Variants in RBM43 observed in about 807,000 individuals in gnomAD.
The protein encoded by RBM43 is RNA binding motif protein 43, also known as RNA-binding protein 43.
RBM43 carries 12 observed loss-of-function variants against 12.4 expected under a neutral mutation model. The ratio of observed to expected loss-of-function variants is 0.97; its 90% CI spans 0.62 to 1.57. The LOEUF (loss-of-function observed/expected upper bound fraction) is 1.57. Ranked by LOEUF, RBM43 falls within the 40% of genes most tolerant of loss-of-function variation. The probability of loss-of-function intolerance (pLI) is 0.00; values close to 1 mark genes in which losing one functional copy is unlikely to be tolerated. For missense variants in RBM43, 348 were observed against 400.1 expected (o/e 0.87, Z 1.11); for synonymous variants, 138 against 145.7 (o/e 0.95, Z 0.38).
intron 2 of RBM43, among the ~76,000 whole-genome samples, chr2:151,253,795 C>T (rs1006217299): frequency 8.5e-5 from 13 of 152,064 alleles, no homozygotes; most frequent in African/African-American, 2.9e-4. Context: ...TCTCCTATCA[C>T]TCTCCCCCAG....
intron 1 of RBM43, among the ~76,000 whole-genome samples, chr2:151,258,941 G>A (rs1234822052): frequency 2.6e-5 from 4 of 151,670 alleles, no homozygotes; most frequent in Non-Finnish European, 4.4e-5. Flanking sequence ...TCAGGAGTTC[G>A]AGACCAGCCC....
Position 151,250,252 on chromosome 2 carries a change from T to G in RBM43, c.*654A>C, listed in dbSNP as rs2105188155. On this transcript the variant is annotated 3_prime_UTR_variant, in exon 4 of 4. Coordinates refer to ENST00000331426, the MANE Select transcript of RBM43 (RefSeq NM_198557.3). ...ATATGTTAAGGCTACTTCTTAATAA[T>G]TATTATTCTCTAATAATTTGGAGTT... 6.6e-6 allele frequency: 1 copy of G among 152,330 alleles called. No individual in the cohort carries two copies. Among genetic ancestry groups the G allele is most frequent in the East Asian group, 1.9e-4 (1 of 5,190 alleles). The allele number at this position is 152,330 out of a possible 1,614,324, so 9.4% of individuals were successfully genotyped here. A position where few individuals can be genotyped will look rare whatever the true frequency, so the allele number is the denominator to read the frequency against.
At chr2:151,252,956 T>G (rs1248458267) in intron 2 of RBM43, 101 bp from the exon 3 acceptor site, 4 of 534,354 alleles carry the variant, frequency 7.5e-6, no homozygotes, top group Non-Finnish European at 1.3e-5. Flanking sequence ...GTCTAAGATT[T>G]TTTTCTACAT....
At chr2:151,261,696 C>T in intron 1 of RBM43, 29 bp downstream of exon 1, 1 of 1,594,382 alleles carries the variant, frequency 6.3e-7, no homozygotes. Flanking sequence ...CGGACCTGCA[C>T]CGCAAAACCC....
chr2:151,255,485 T>C, intron 2 of RBM43, 48 bp downstream of exon 2: 1 of 1,225,160 alleles, frequency 8.2e-7, no homozygotes, highest in Admixed American at 2.0e-5. Context: ...TTTTTAAATT[T>C]TATTGAAGAA....
chr2:151,251,441 A>C lies in RBM43; in HGVS notation c.539T>G (p.Phe180Cys). 2 of 1,614,156 alleles carry C rather than the reference A, an allele frequency of 1.2e-6. No individual in the cohort carries two copies. The highest frequency in any genetic ancestry group is 1.1e-5 in the South Asian group (1 of 91,084). The part of the protein sequence containing the change: ...ACSLLEKDRN[F>C]TSEERKWNRQ... Reference sequence around the variant, plus strand: ...ATTCCACTTTCTCTCCTCACTGGTAAAATTTCTGTCTTTTTCTAAGAGAGA... The same window carrying C: ...ATTCCACTTTCTCTCCTCACTGGTACAATTTCTGTCTTTTTCTAAGAGAGA... The change falls in exon 4 of 4, where the codon TTT becomes TGT. Residue 180 changes from phenylalanine to cysteine, a missense_variant. Physicochemically the swap from Phe to Cys is radical, Grantham distance 205 (BLOSUM62 -2). Coordinates refer to ENST00000331426, the MANE Select transcript of RBM43 (RefSeq NM_198557.3).
rs1682874828 is a variant in RBM43, at chr2:151,250,077, T to C, written c.*829A>G. 1 of 152,190 alleles carries C rather than the reference T, an allele frequency of 6.6e-6. No individual in the cohort carries two copies. Among genetic ancestry groups the C allele is most frequent in the East Asian group, 1.9e-4 (1 of 5,200 alleles). The allele number at this position is 152,190 out of a possible 1,614,324, so 9.4% of individuals were successfully genotyped here. Reference sequence around the variant, plus strand: ...GCAGCCTTGAAACAATAGAATTTAGTCAAATAATGATTACCTGCATAAGAT... The same window carrying C: ...GCAGCCTTGAAACAATAGAATTTAGCCAAATAATGATTACCTGCATAAGAT... On this transcript the variant is annotated 3_prime_UTR_variant, in exon 4 of 4. Transcript: ENST00000331426.
rs970121731 is a variant in RBM43, at chr2:151,249,995, C to T, written c.*911G>A. ...TCAACTTGCACAATTATAAAAGAAT[C>T]ACCATTTTATGTAAGCACTTAGGCT... On this transcript the variant is annotated 3_prime_UTR_variant, in exon 4 of 4. Transcript: ENST00000331426. 5 of 152,150 alleles carry T rather than the reference C, an allele frequency of 3.3e-5. No individual in the cohort carries two copies. The highest frequency in any genetic ancestry group is 7.4e-5 in the Non-Finnish European group (5 of 68,026). 9.4% of individuals were successfully genotyped at this position (152,150 alleles called of 1,614,324 possible).
rs569907769 is a variant in RBM43 at position 151,261,686 on chromosome 2, C to G, written c.3+39G>C. The stretch of plus-strand genomic sequence containing the variant: ...GGGGACCATGGCGACGGTACAGGCA[C>G]GGACCTGCACCGCAAAACCCAAAGC... On this transcript the variant is annotated intron_variant, in intron 1 of 3. Coordinates refer to ENST00000331426, the MANE Select transcript of RBM43 (RefSeq NM_198557.3). 1.2e-5 allele frequency: 19 copies of G among 1,588,252 alleles called. No homozygotes were observed. In the Admixed American group the frequency reaches 1.3e-4, roughly 11 times the overall value.
At position 151,252,995 on chromosome 2, in the gene RBM43, CTT is replaced by C. The variant is rs1262472212; in HGVS notation, c.215-142_215-141del. 5.6e-6 allele frequency: 3 copies of C among 538,750 alleles called. No individual in the cohort carries two copies. The East Asian group carries it at 8.6e-5, about 15-fold the overall frequency. 33.4% of individuals were successfully genotyped at this position (538,750 alleles called of 1,614,324 possible). On this transcript the variant is annotated intron_variant, in intron 2 of 3. Transcript: ENST00000331426. The stretch of plus-strand genomic sequence containing the variant: ...TCCTCTAAATTCAACATTCAAATCA[CTT>C]TTTTGTTGCACTTTAACTCATTAAA...
intron 1 of RBM43, among the ~76,000 whole-genome samples, chr2:151,259,930 A>T (rs1218104263): frequency 6.6e-6 from 1 of 151,536 alleles, no homozygotes; most frequent in Non-Finnish European, 1.5e-5. Flanking sequence ...CAGTGGCGCG[A>T]TCTTGGCTCA....
rs1473865938 is a variant in RBM43 at position 151,248,078 on chromosome 2, T to C, written c.*2828A>G. 1 of 152,190 alleles carries C rather than the reference T, an allele frequency of 6.6e-6. No homozygotes were observed. The highest frequency in any genetic ancestry group is 1.5e-5 in the Non-Finnish European group (1 of 67,998). 9.4% of individuals were successfully genotyped at this position (152,190 alleles called of 1,614,324 possible). ...AAGGATAAGCTTTAAGCTTTTTTAATAGGCAATCTTATAAAGGCTGTAAAT... is the reference window on the plus strand; with the variant it reads ...AAGGATAAGCTTTAAGCTTTTTTAACAGGCAATCTTATAAAGGCTGTAAAT... On this transcript the variant is annotated 3_prime_UTR_variant, in exon 4 of 4. Transcript: ENST00000331426.
Position 151,261,504 on chromosome 2 carries a change from C to A in RBM43, c.3+221G>T, listed in dbSNP as rs559316251. On this transcript the variant is annotated intron_variant, in intron 1 of 3. Transcript: ENST00000331426. ...CGTGAATTTCAGGAGCGCGCAATGCCGCCACCTGGGAAGGGTGCAGCGAGG... is the reference window on the plus strand; with the variant it reads ...CGTGAATTTCAGGAGCGCGCAATGCAGCCACCTGGGAAGGGTGCAGCGAGG... The A allele has an allele frequency of 5.0e-5, 78 of 1,549,980 alleles. No homozygotes were observed. The African/African-American group carries it at 7.9e-4, about 16-fold the overall frequency.
intron 2 of RBM43, among the ~76,000 whole-genome samples, chr2:151,254,699 C>T (rs1020069753): frequency 1.3e-5 from 2 of 152,160 alleles, no homozygotes; most frequent in Non-Finnish European, 2.9e-5. Flanking sequence ...CTCTGCCAAC[C>T]CAACTTCCTC....
Position 151,261,198 on chromosome 2 carries a change from C to T in RBM43, c.3+527G>A, listed in dbSNP as rs569972828. 87 of 1,488,568 alleles carry T rather than the reference C, an allele frequency of 5.8e-5. No homozygotes were observed. The African/African-American group carries it at 1.1e-3, about 19-fold the overall frequency. The allele number at this position is 1,488,568 out of a possible 1,614,324, so 92.2% of individuals were successfully genotyped here. A position where few individuals can be genotyped will look rare whatever the true frequency, so the allele number is the denominator to read the frequency against. On this transcript the variant is annotated intron_variant, in intron 1 of 3. Transcript: ENST00000331426. ...TTTTGAATTTGCTAAGACAAGAATT[C>T]GCACCAAGGCAGACATAAGACATGA...
Position 151,251,360 on chromosome 2 carries a change from C to T in RBM43, c.620G>A (p.Arg207Lys). ...QRSNNSLASV[R>K]TLVPETARSG... ...TCTAGCAGTCTCAGGTACTAAGGTC[C>T]TGACTGATGCCAAAGAGTTATTACT... The change falls in exon 4 of 4, where the codon AGG becomes AAG. Residue 207 changes from arginine (R) to lysine (K), a missense_variant. Physicochemically the swap from Arg to Lys is conservative, Grantham distance 26 (BLOSUM62 2). Transcript: ENST00000331426. 2 of 1,614,202 alleles carry T rather than the reference C, an allele frequency of 1.2e-6. No individual in the cohort carries two copies. Among genetic ancestry groups the T allele is most frequent in the Non-Finnish European group, 1.7e-6 (2 of 1,180,010 alleles).
At position 151,260,861 on chromosome 2, in the gene RBM43, T is replaced by C. The variant is rs1683037177; in HGVS notation, c.3+864A>G. 3 of 195,216 alleles carry C rather than the reference T, an allele frequency of 1.5e-5. No homozygotes were observed. The South Asian group carries it at 2.6e-4, about 17-fold the overall frequency. The allele number at this position is 195,216 out of a possible 1,614,324, so 12.1% of individuals were successfully genotyped here. A position where few individuals can be genotyped will look rare whatever the true frequency, so the allele number is the denominator to read the frequency against. On this transcript the variant is annotated intron_variant, in intron 1 of 3. Coordinates refer to ENST00000331426, the MANE Select transcript of RBM43 (RefSeq NM_198557.3). ...CAAGACATACTAACGTGATGGCGCA[T>C]TTCCTTGCATCAGTATTGTGTTATA...
chr2:151,261,583 C>T, intron 1 of RBM43, 142 bp downstream of exon 1: 29 of 1,537,572 alleles, frequency 1.9e-5, no homozygotes, highest in Middle Eastern at 2.3e-4. Flanking sequence ...CCCGGGGTCC[C>T]TGGGGCCCCT....
rs985100765 is a variant in RBM43 at position 151,250,672 on chromosome 2, T to C, written c.*234A>G. ...CTTAGATATTATCTGTGTAATCAGA[T>C]AGACTGGGCTAAGCCACAGCCTCAT... On this transcript the variant is annotated 3_prime_UTR_variant, in exon 4 of 4. Transcript: ENST00000331426. The C allele has an allele frequency of 2.5e-6, 1 of 394,374 alleles. No homozygotes were observed. The highest frequency in any genetic ancestry group is 4.5e-6 in the Non-Finnish European group (1 of 222,362). The allele number at this position is 394,374 out of a possible 1,614,324, so 24.4% of individuals were successfully genotyped here.
Sources: gnomAD v4.1 joint callset for allele counts (sites outside exome capture counted in the v4.1 genomes callset) on GRCh38, gnomAD v4.1.1 for gene constraint, MANE v1.5 for transcripts, NCBI Gene and HGNC (gene_info 2026-07-23, HGNC 2026-07-21) for gene names.